Variants in TMEM163 observed in about 807,000 individuals in gnomAD.
TMEM163 encodes transmembrane protein 163.
In TMEM163, 17 loss-of-function variants were observed where a neutral mutation model predicts 29.3. The ratio of observed to expected loss-of-function variants is 0.58; its 90% CI spans 0.40 to 0.87. The LOEUF is 0.87. TMEM163 is among the 40% of genes least tolerant of loss of function. The probability of loss-of-function intolerance (pLI) is 0.00; values close to 1 mark genes in which losing one functional copy is unlikely to be tolerated. For synonymous variants in TMEM163, 157 were observed against 160.6 expected, an observed-to-expected ratio of 0.98 and a Z score of 0.17; for missense variants, 303 against 381.5, an observed-to-expected ratio of 0.79 and a Z score of 1.71.
rs183618063 is a variant in TMEM163, at chr2:134,559,696, G to A, written c.323-7605C>T. 2.6e-4 allele frequency among the ~76,000 whole-genome samples: 39 copies of A among 152,146 alleles called. No individual in the cohort carries two copies. The East Asian group carries it at 5.4e-3, about 21-fold the overall frequency. On this transcript the variant is annotated intron_variant, in intron 2 of 7. Coordinates refer to ENST00000281924, the MANE Select transcript of TMEM163 (RefSeq NM_030923.5). ...ATACAAAAAGGGACTATACAACCCC[G>A]CCCCTAATCCCACACCCACAATAAC...
At chr2:134,673,108 C>T (rs912512944) in intron 2 of TMEM163, among the ~76,000 whole-genome samples, 2 of 152,168 alleles carry the variant, frequency 1.3e-5, no homozygotes, top group Admixed American at 6.5e-5. Context: ...ATCATGGACC[C>T]TCTCCACAGA....
chr2:134,573,182 G>C (rs12472186), intron 2 of TMEM163, among the ~76,000 whole-genome samples: 21,729 of 152,136 alleles, frequency 0.14, 3,622 homozygotes, highest in African/African-American at 0.4. Context: ...AAAGGAGCCA[G>C]AAAGGCATGA....
chr2:134,456,587 T>G lies in TMEM163; in HGVS notation c.*129A>C, dbSNP rs1052574744. The G allele has an allele frequency of 1.7e-6, 2 of 1,150,032 alleles. No homozygotes were observed. The highest frequency in any genetic ancestry group is 3.1e-5 in the African/African-American group (2 of 65,398). 71.2% of individuals were successfully genotyped at this position (1,150,032 alleles called of 1,614,324 possible). ...TAGATCCACCTGGCTGGGCAGACCT[T>G]GTCTTGTAATGACAAACCATGTGAA... On this transcript the variant is annotated 3_prime_UTR_variant, in exon 8 of 8. Coordinates refer to ENST00000281924, the MANE Select transcript of TMEM163 (RefSeq NM_030923.5).
intron 6 of TMEM163, among the ~76,000 whole-genome samples, chr2:134,461,063 G>GCC (rs928578188): frequency 1.3e-5 from 2 of 152,168 alleles, no homozygotes; most frequent in African/African-American, 4.8e-5. Flanking sequence ...AGAGCCCTGA[G>GCC]CCCCCAGCCC....
intron 4 of TMEM163, among the ~76,000 whole-genome samples, chr2:134,506,419 A>G (rs934151692): frequency 1.3e-5 from 2 of 152,134 alleles, no homozygotes; most frequent in Non-Finnish European, 2.9e-5. Flanking sequence ...AGCTCCACAC[A>G]TCAGCTCATC....
chr2:134,631,013 G>A (rs1172435490), intron 2 of TMEM163, among the ~76,000 whole-genome samples: 1 of 150,514 alleles, frequency 6.6e-6, no homozygotes, highest in Non-Finnish European at 1.5e-5. Flanking sequence ...ACACTTGAGG[G>A]AAAAAAAAAA....
chr2:134,574,313 A>G (rs923672201), intron 2 of TMEM163, among the ~76,000 whole-genome samples: 1 of 152,242 alleles, frequency 6.6e-6, no homozygotes, highest in Admixed American at 6.5e-5. Context: ...TAATCCCAGC[A>G]CTTTGGGAGG....
intron 4 of TMEM163, among the ~76,000 whole-genome samples, chr2:134,507,963 C>CT (rs1679863380): frequency 6.8e-6 from 1 of 146,462 alleles, no homozygotes; most frequent in African/African-American, 2.6e-5. Context: ...TAGTTAAAGC[C>CT]TCCTTTTTTT....
chr2:134,620,937 G>A (rs1397940297), intron 2 of TMEM163, among the ~76,000 whole-genome samples: 5 of 152,026 alleles, frequency 3.3e-5, no homozygotes, highest in Non-Finnish European at 5.9e-5. Flanking sequence ...TTTCCTAGAC[G>A]CAACACCAAA....
chr2:134,718,990 G>A lies in TMEM163; in HGVS notation c.-55C>T. On this transcript the variant is annotated 5_prime_UTR_variant, in exon 1 of 8. Coordinates refer to ENST00000281924, the MANE Select transcript of TMEM163 (RefSeq NM_030923.5). ...GACGACAAGCGCGGCGGGGACTCGA[G>A]TCAGAAGTGCGAGGCGCCGCGGCTC... is the stretch of plus-strand genomic sequence containing the variant. 1.0e-6 allele frequency: 1 copy of A among 986,274 alleles called. No homozygotes were observed. The highest frequency in any genetic ancestry group is 1.2e-6 in the Non-Finnish European group (1 of 827,830). 61.1% of individuals were successfully genotyped at this position (986,274 alleles called of 1,614,324 possible). A position where few individuals can be genotyped will look rare whatever the true frequency, so the allele number is the denominator to read the frequency against.
intron 4 of TMEM163, among the ~76,000 whole-genome samples, chr2:134,547,891 G>T (rs929763473): frequency 2.0e-5 from 3 of 152,154 alleles, no homozygotes; most frequent in African/African-American, 7.2e-5. Context: ...CATCAATTTT[G>T]ATCTTGGAAA....
intron 5 of TMEM163, among the ~76,000 whole-genome samples, chr2:134,481,471 A>G (rs1430551957): frequency 6.6e-6 from 1 of 152,078 alleles, no homozygotes; most frequent in East Asian, 1.9e-4. Flanking sequence ...TTCCTGCACA[A>G]GCTCTCTTAT....
At chr2:134,707,999 A>T (rs1435523906) in intron 2 of TMEM163, among the ~76,000 whole-genome samples, 1 of 149,528 alleles carries the variant, frequency 6.7e-6, no homozygotes, top group East Asian at 2.0e-4. Context: ...CGATTCTCCT[A>T]CTTCAGCCTC....
chr2:134,672,078 T>A (rs1280228912), intron 2 of TMEM163, among the ~76,000 whole-genome samples: 4 of 152,192 alleles, frequency 2.6e-5, no homozygotes. Context: ...TAAGATGGTA[T>A]TTGGATTATA....
chr2:134,592,893 C>T (rs1412159499), intron 2 of TMEM163, among the ~76,000 whole-genome samples: 1 of 37,960 alleles, frequency 2.6e-5, no homozygotes, highest in Non-Finnish European at 7.0e-5. Flanking sequence ...GATAGATAGA[C>T]CAACCCTATA....
chr2:134,568,655 AGAAG>A (rs987021763), intron 2 of TMEM163, among the ~76,000 whole-genome samples: 5 of 151,832 alleles, frequency 3.3e-5, no homozygotes, highest in African/African-American at 7.2e-5. Flanking sequence ...AGGAGAAAAA[AGAAG>A]GAAGGAAGGA....
At chr2:134,516,757 A>AT in intron 4 of TMEM163, among the ~76,000 whole-genome samples, 2 of 148,440 alleles carry the variant, frequency 1.3e-5, no homozygotes, top group East Asian at 1.9e-4. Context: ...ATATATGAAT[A>AT]GATATATATG....
chr2:134,490,425 C>A (rs961324476), intron 5 of TMEM163, among the ~76,000 whole-genome samples: 2 of 152,154 alleles, frequency 1.3e-5, no homozygotes, highest in Non-Finnish European at 2.9e-5. Flanking sequence ...CTCCTGAACA[C>A]AACTGACCTT....
intron 2 of TMEM163, among the ~76,000 whole-genome samples, chr2:134,684,581 A>G (rs1684314141): frequency 6.6e-6 from 1 of 152,180 alleles, no homozygotes. Context: ...AAAAGGGCAC[A>G]AGAATAGGAT....
Sources: gnomAD v4.1 joint callset for allele counts (sites outside exome capture counted in the v4.1 genomes callset) on GRCh38, gnomAD v4.1.1 for gene constraint, MANE v1.5 for transcripts, NCBI Gene and HGNC (gene_info 2026-07-23, HGNC 2026-07-21) for gene names.